The following AP2A1 variants were observed in gnomAD, a reference collection of about 807,000 sequenced individuals.
AP2A1 encodes the protein adaptor related protein complex 2 subunit alpha 1, also known as AP-2 complex subunit alpha-1.
In AP2A1, 21 loss-of-function variants were observed where a neutral mutation model predicts 107.3. That is an observed-to-expected ratio of 0.20 (90% CI 0.14 to 0.28). The LOEUF is 0.28. AP2A1 is among the 10% of genes least tolerant of loss of function. The probability of loss-of-function intolerance (pLI) is 1.00; values close to 1 mark genes in which losing one functional copy is unlikely to be tolerated. For missense variants in AP2A1, 873 were observed against 1,307.7 expected, an observed-to-expected ratio of 0.67 and a Z score of 5.13; for synonymous variants, 602 against 564.8, an observed-to-expected ratio of 1.07 and a Z score of -0.93.
At chr19:49,780,478 T>G (rs1281301768) in intron 1 of AP2A1, among the ~76,000 whole-genome samples, 2 of 152,020 alleles carry the variant, frequency 1.3e-5, no homozygotes, top group African/African-American at 4.8e-5. Flanking sequence ...CCAGGGGGCC[T>G]GGATGGACAG....
rs1042724308 is a variant in AP2A1, at chr19:49,801,057, A to T, written c.1552A>T (p.Ser518Cys). 1 of 1,601,540 alleles carries T rather than the reference A, an allele frequency of 6.2e-7. No homozygotes were observed. Among genetic ancestry groups the T allele is most frequent in the Non-Finnish European group, 8.5e-7 (1 of 1,174,370 alleles). ...GNLIAGDPRSSPPVQFSLLHS... is the reference protein window; with the variant it reads ...GNLIAGDPRSCPPVQFSLLHS... ...CCTGATTGCTGGGGACCCCCGCTCCAGGTGAGGGAGCCTCAGCCTGCAGGG... is the reference window on the plus strand; with the variant it reads ...CCTGATTGCTGGGGACCCCCGCTCCTGGTGAGGGAGCCTCAGCCTGCAGGG... Residue 518 changes from serine (S) to cysteine (C), a missense_variant and splice_region_variant, in exon 12 of 23, where the codon AGC (serine) becomes TGC (cysteine). By Grantham distance (112) the Ser-to-Cys change is moderately radical. This residue lies in a region of AP2A1 where 213 missense variants were observed against 443.5 expected (regional missense o/e 0.48). Transcript: ENST00000354293.
At chr19:49,779,169 T>C (rs905726809) in intron 1 of AP2A1, among the ~76,000 whole-genome samples, 4 of 151,772 alleles carry the variant, frequency 2.6e-5, no homozygotes, top group African/African-American at 9.7e-5. Flanking sequence ...ACCCCATCTC[T>C]ACTAAAAATA....
At chr19:49,786,086 A>G (rs1168602078) in intron 4 of AP2A1, among the ~76,000 whole-genome samples, 3 of 152,108 alleles carry the variant, frequency 2.0e-5, no homozygotes, top group Non-Finnish European at 4.4e-5. Context: ...TCTTAACAAA[A>G]AACAAACAAA....
chr19:49,782,165 G>A, intron 3 of AP2A1, 76 bp downstream of exon 3: 1 of 1,126,742 alleles, frequency 8.9e-7, no homozygotes, highest in Non-Finnish European at 1.2e-6. Flanking sequence ...CTGGACTCCT[G>A]GATCTGGGGG....
rs1568586062 is a variant in AP2A1, at chr19:49,799,647, G to A, written c.1153G>A (p.Val385Met). Reference sequence around the variant, plus strand: ...CCCTCAGACGGAGCGGGACGTCAGCGTGCGGCAGCGGGCGGCTGACCTCCT... The same window carrying A: ...CCCTCAGACGGAGCGGGACGTCAGCATGCGGCAGCGGGCGGCTGACCTCCT... ...NALKTERDVS[V>M]RQRAADLLYA... The change falls in exon 10 of 23, where the codon GTG (valine) becomes ATG (methionine). Residue 385 changes from valine (V) to methionine (M), a missense_variant. Around this residue, in one of 4 missense-constraint regions of AP2A1, gnomAD observed 213 missense variants for 443.5 expected, o/e 0.48. Coordinates refer to ENST00000354293, the MANE Select transcript of AP2A1 (RefSeq NM_130787.3). The A allele has an allele frequency of 1.2e-6, 2 of 1,611,058 alleles. No homozygotes were observed. Among genetic ancestry groups the A allele is most frequent in the Non-Finnish European group, 8.5e-7 (1 of 1,179,840 alleles).
intron 1 of AP2A1, among the ~76,000 whole-genome samples, 197 bp from the exon 2 acceptor site, chr19:49,781,560 G>A (rs948542209): frequency 1.3e-5 from 2 of 152,148 alleles, no homozygotes; most frequent in Non-Finnish European, 2.9e-5. Flanking sequence ...GCTCTGTGCT[G>A]TGGGGCTCAG....
intron 1 of AP2A1, among the ~76,000 whole-genome samples, chr19:49,779,487 C>CAAA (rs370114853): frequency 0.04 from 3,293 of 81,810 alleles, 220 homozygotes; most frequent in African/African-American, 0.044. Context: ...GCCTGGGCTA[C>CAAA]AAAAAAAAAA....
rs1164331461 is a variant in AP2A1, at chr19:49,801,776, G to A, written c.1840G>A (p.Ala614Thr). The A allele has an allele frequency of 1.3e-6, 2 of 1,569,660 alleles. No homozygotes were observed. The change falls in exon 14 of 23, where the codon GCC becomes ACC. Residue 614 changes from alanine to threonine, a missense_variant. Coordinates refer to ENST00000354293, the MANE Select transcript of AP2A1 (RefSeq NM_130787.3). ...CCCCGAGCGCGAGTCGTCCATCCTG[G>A]CCAAGCTGAAACGCAAGAAGGGGCC... ...PFPERESSILAKLKRKKGPGA... is the reference protein window; with the variant it reads ...PFPERESSILTKLKRKKGPGA...
At chr19:49,783,538 A>G (rs545536918) in intron 4 of AP2A1, among the ~76,000 whole-genome samples, 1 of 152,284 alleles carries the variant, frequency 6.6e-6, no homozygotes, top group East Asian at 1.9e-4. Context: ...TTCTCCCTGA[A>G]ACCTAACTGT....
Position 49,807,020 on chromosome 19 carries a change from T to TCG in AP2A1, c.*263_*264insGC. On this transcript the variant is annotated 3_prime_UTR_variant, in exon 23 of 23. Coordinates refer to ENST00000354293, the MANE Select transcript of AP2A1 (RefSeq NM_130787.3). Reference sequence around the variant, plus strand: ...AGGGGCCAGGGAAGTGGATGTCTCCTCCCCTCCCACCCCACCCTGTTGTAG... The same window carrying TCG: ...AGGGGCCAGGGAAGTGGATGTCTCCTCGCCCCTCCCACCCCACCCTGTTGTAG... 1.1e-5 allele frequency: 15 copies of TCG among 1,338,444 alleles called. No homozygotes were observed. Among genetic ancestry groups the TCG allele is most frequent in the Non-Finnish European group, 1.4e-5 (14 of 996,806 alleles). The allele number at this position is 1,338,444 out of a possible 1,614,324, so 82.9% of individuals were successfully genotyped here.
chr19:49,803,683 T>G lies in AP2A1; in HGVS notation c.2344+307T>G, dbSNP rs80295958. ...TCCTCCACTGGGCTCCATGTCATGATGCCAGCACCGCCTGCACTCAGGAGC... is the reference window on the plus strand; with the variant it reads ...TCCTCCACTGGGCTCCATGTCATGAGGCCAGCACCGCCTGCACTCAGGAGC... On this transcript the variant is annotated intron_variant, in intron 18 of 22. Transcript: ENST00000354293. 7.6e-4 allele frequency: 323 copies of G among 424,918 alleles called. No individual in the cohort carries two copies. The East Asian group carries it at 0.016, about 21-fold the overall frequency. The allele number at this position is 424,918 out of a possible 1,614,324, so 26.3% of individuals were successfully genotyped here. A position where few individuals can be genotyped will look rare whatever the true frequency, so the allele number is the denominator to read the frequency against.
In AP2A1 at chr19:49,793,898, C is replaced by CTTT. The variant is rs956804227; in HGVS notation, c.705+831_705+833dup. Among the ~76,000 whole-genome samples the CTTT allele has an allele frequency of 1.2e-3, 89 of 74,584 alleles. 1 individual carries two copies. Among genetic ancestry groups the CTTT allele is most frequent in the African/African-American group, 1.7e-3 (33 of 19,812 alleles). 48.9% of individuals were successfully genotyped at this position (74,584 alleles called of 152,430 possible). A position where few individuals can be genotyped will look rare whatever the true frequency, so the allele number is the denominator to read the frequency against. ...CAGCTCGTGCATCCACTCATTGTTT[C>CTTT]TTTTTTTTTTTTTTTTTTTTTTTTT... On this transcript the variant is annotated intron_variant, in intron 6 of 22. Transcript: ENST00000354293.
At chr19:49,793,146 C>T (rs1230817480) in intron 6 of AP2A1, 54 bp downstream of exon 6, 11 of 1,460,336 alleles carry the variant, frequency 7.5e-6, no homozygotes, top group Non-Finnish European at 8.4e-6. Context: ...TCCCTATGCC[C>T]TCTGACACCC....
intron 1 of AP2A1, among the ~76,000 whole-genome samples, chr19:49,774,855 GT>G (rs1213393090): frequency 2.0e-5 from 3 of 151,266 alleles, no homozygotes; most frequent in Admixed American, 1.3e-4. Context: ...GGAGGTGGAG[GT>G]TGCAGTGAGC....
Position 49,792,072 on chromosome 19 carries a change from C to T in AP2A1, c.603+8C>T, listed in dbSNP as rs1433357383. 6.2e-7 allele frequency: 1 copy of T among 1,610,980 alleles called. No homozygotes were observed. Among genetic ancestry groups the T allele is most frequent in the African/African-American group, 1.3e-5 (1 of 74,850 alleles). ...CTCAATGACCAGCACATGGTGAGCCCCCAGCCCTCACACCCCCGGATACCC... is the reference window on the plus strand; with the variant it reads ...CTCAATGACCAGCACATGGTGAGCCTCCAGCCCTCACACCCCCGGATACCC... On this transcript the variant is annotated splice_region_variant and intron_variant, in intron 5 of 22. Coordinates refer to ENST00000354293, the MANE Select transcript of AP2A1 (RefSeq NM_130787.3).
At chr19:49,802,652 C>T (rs2073304373) in intron 15 of AP2A1, 2 of 1,471,936 alleles carry the variant, frequency 1.4e-6, no homozygotes, top group Admixed American at 2.2e-5. Context: ...CTCGGGTGTC[C>T]CCAGGGAGAG....
At chr19:49,780,919 G>A (rs758545514) in intron 1 of AP2A1, among the ~76,000 whole-genome samples, 1 of 151,916 alleles carries the variant, frequency 6.6e-6, no homozygotes, top group Non-Finnish European at 1.5e-5. Flanking sequence ...GCGTGAGGAT[G>A]TCCAGGTTCT....
rs767090213 is a variant in AP2A1, at chr19:49,806,977, C to T, written c.*219C>T. 5.2e-6 allele frequency: 8 copies of T among 1,530,332 alleles called. No homozygotes were observed. The highest frequency in any genetic ancestry group is 2.5e-5 in the East Asian group (1 of 40,738). The allele number at this position is 1,530,332 out of a possible 1,614,324, so 94.8% of individuals were successfully genotyped here. A position where few individuals can be genotyped will look rare whatever the true frequency, so the allele number is the denominator to read the frequency against. On this transcript the variant is annotated 3_prime_UTR_variant, in exon 23 of 23. Transcript: ENST00000354293. ...GGAGTCCCCCTCCCTCCCTTTCCCC[C>T]CCAAGCACAGAGGGGAGAGGGGCCA...
At chr19:49,794,221 G>GT (rs35239509) in intron 6 of AP2A1, among the ~76,000 whole-genome samples, 19,764 of 131,594 alleles carry the variant, frequency 0.15, 1,529 homozygotes, top group East Asian at 0.26. Context: ...TCTTTCTCAG[G>GT]TTTTTTTTTT....
Sources: allele counts gnomAD v4.1 joint callset (sites outside exome capture counted in the v4.1 genomes callset), GRCh38; gene constraint gnomAD v4.1.1; regional missense constraint gnomAD v4.1.1; transcripts MANE v1.5; gene names NCBI Gene and HGNC (gene_info 2026-07-23, HGNC 2026-07-21).